The following IL16 variants were observed in gnomAD, a reference collection of about 807,000 sequenced individuals.
The protein encoded by IL16 is pro-interleukin-16.
IL16 carries 67 observed loss-of-function variants against 110.1 expected under a neutral mutation model. The ratio of observed to expected loss-of-function variants is 0.61; its 90% CI spans 0.50 to 0.75. IL16 has a LOEUF of 0.75. IL16 is among the 30% of genes least tolerant of loss of function. IL16 has a pLI of 0.00. For missense variants in IL16, 1,545 were observed against 1,655.0 expected, an observed-to-expected ratio of 0.93 and a Z score of 1.15; for synonymous variants, 689 against 662.9, an observed-to-expected ratio of 1.04 and a Z score of -0.61.
At chr15:81,258,146 A>G (rs1297954011) in intron 2 of IL16, among the ~76,000 whole-genome samples, 5 of 152,210 alleles carry the variant, frequency 3.3e-5, no homozygotes, top group African/African-American at 1.2e-4. Flanking sequence ...AAACAGCTTC[A>G]GGAAGAGAAA....
rs1900384624 is a variant in IL16 at position 81,303,239 on chromosome 15, C to T, written c.3319-310C>T. 4.1e-6 allele frequency: 1 copy of T among 245,334 alleles called. No individual in the cohort carries two copies. The highest frequency in any genetic ancestry group is 5.3e-5 in the Admixed American group (1 of 18,964). 15.2% of individuals were successfully genotyped at this position (245,334 alleles called of 1,614,324 possible). On this transcript the variant is annotated intron_variant, in intron 15 of 18. Coordinates refer to ENST00000683961, the MANE Select transcript of IL16 (RefSeq NM_172217.5). The surrounding 1 kb of genome is among the most constrained non-coding windows in gnomAD (Gnocchi z 4.1). Reference sequence around the variant, plus strand: ...AGTCCTACAACCTGACTTCATCTCACACTGTCCAATATGCTGATTTCTGGC... The same window carrying T: ...AGTCCTACAACCTGACTTCATCTCATACTGTCCAATATGCTGATTTCTGGC...
In IL16 at chr15:81,196,938, A is replaced by G. The variant is rs924427069; in HGVS notation, c.-316A>G. 6 of 1,256,478 alleles carry G rather than the reference A, an allele frequency of 4.8e-6. No homozygotes were observed. The highest frequency in any genetic ancestry group is 6.1e-6 in the Non-Finnish European group (6 of 976,560). 77.8% of individuals were successfully genotyped at this position (1,256,478 alleles called of 1,614,324 possible). ...GTGAATATTGTGTCCTACTCACGGC[A>G]TCTCAACTATCGGAGCCTGGGATCT... On this transcript the variant is annotated 5_prime_UTR_variant, in exon 1 of 19. Coordinates refer to ENST00000683961, the MANE Select transcript of IL16 (RefSeq NM_172217.5).
At chr15:81,306,708 T>C in intron 18 of IL16, 163 bp downstream of exon 18, 1 of 834,772 alleles carries the variant, frequency 1.2e-6, no homozygotes, top group Non-Finnish European at 2.0e-6. Flanking sequence ...CTTTTTCTAC[T>C]TTTTCTCCTT....
chr15:81,204,910 T>A (rs1414060140), intron 1 of IL16, among the ~76,000 whole-genome samples: 1 of 151,244 alleles, frequency 6.6e-6, no homozygotes, highest in Non-Finnish European at 1.5e-5. Flanking sequence ...CCTGGAGGGG[T>A]TGGGGGAGCA....
At chr15:81,274,565 A>G (rs1176582821) in intron 6 of IL16, among the ~76,000 whole-genome samples, 1 of 152,266 alleles carries the variant, frequency 6.6e-6, no homozygotes. Context: ...CAGCAGATTC[A>G]TCAGTAACGA....
rs1900783926 is a variant in IL16 at position 81,310,260 on chromosome 15, T to C, written c.*1462T>C. 6.6e-6 allele frequency: 1 copy of C among 152,246 alleles called. No individual in the cohort carries two copies. The highest frequency in any genetic ancestry group is 2.4e-5 in the African/African-American group (1 of 41,468). 9.4% of individuals were successfully genotyped at this position (152,246 alleles called of 1,614,324 possible). On this transcript the variant is annotated 3_prime_UTR_variant, in exon 19 of 19. Transcript: ENST00000683961. ...GTGGAGCCATGTTAATGTAATCTGA[T>C]GGCTTCTCCAGGGTCCACAGGAAGT...
intron 1 of IL16, among the ~76,000 whole-genome samples, chr15:81,222,731 AACACACACTCACAGACACAC>A (rs1896658101): frequency 7.1e-6 from 1 of 140,580 alleles, no homozygotes; most frequent in Non-Finnish European, 1.5e-5. Context: ...AGCTGTGACC[AACACACACTCACAGACACAC>A]ACACACACAC....
intron 1 of IL16, among the ~76,000 whole-genome samples, chr15:81,205,697 G>T (rs570425347): frequency 6.6e-6 from 1 of 151,954 alleles, no homozygotes; most frequent in African/African-American, 2.4e-5. Context: ...CTCAGATTCA[G>T]TTTAAAAAAG....
In IL16 at chr15:81,296,807, A is replaced by C. The variant is rs192351872; in HGVS notation, c.1903-121A>C. The stretch of plus-strand genomic sequence containing the variant: ...AAGAATCCTCTTTACATGGCTGCTG[A>C]TGAACTTCTCACTGAAAGCAGCTCA... On this transcript the variant is annotated intron_variant, in intron 12 of 18. Transcript: ENST00000683961. 3.4e-3 allele frequency: 2,914 copies of C among 860,862 alleles called. 9 individuals are homozygous for C. The highest frequency in any genetic ancestry group is 4.7e-3 in the Non-Finnish European group (2,597 of 556,118). 53.3% of individuals were successfully genotyped at this position (860,862 alleles called of 1,614,324 possible). A position where few individuals can be genotyped will look rare whatever the true frequency, so the allele number is the denominator to read the frequency against.
intron 2 of IL16, among the ~76,000 whole-genome samples, chr15:81,244,813 T>C (rs1897479019): frequency 6.6e-6 from 1 of 152,144 alleles, no homozygotes; most frequent in African/African-American, 2.4e-5. Context: ...AAATGTTAGC[T>C]CTTTTGTTAT....
At chr15:81,199,033 AT>A (rs34170809) in intron 1 of IL16, among the ~76,000 whole-genome samples, 5,073 of 87,776 alleles carry the variant, frequency 0.058, 141 homozygotes, top group Non-Finnish European at 0.077. Context: ...AAAAAAAAAT[AT>A]ATATATATAT....
At chr15:81,298,734 A>G (rs1477272157) in intron 13 of IL16, among the ~76,000 whole-genome samples, 2 of 152,222 alleles carry the variant, frequency 1.3e-5, no homozygotes, top group East Asian at 3.8e-4. Flanking sequence ...AAGCTGATCA[A>G]TGACCTGTGT....
rs1256938044 is a variant in IL16 at position 81,292,962 on chromosome 15, T to C, written c.1827T>C (p.Ser609=). Residue 609 remains serine, a synonymous_variant, in exon 12 of 19, where the codon AGT becomes AGC. Transcript: ENST00000683961. ...PPPRKYFKSD[S]DPQKSLEERE... is the part of the protein sequence containing the mutation. ...CCAGAAAATACTTTAAAAGTGACAG[T>C]GACCCTCAGAAGAGTCTGGAAGAGA... 1.2e-6 allele frequency: 2 copies of C among 1,614,066 alleles called. No individual in the cohort carries two copies. Among genetic ancestry groups the C allele is most frequent in the Non-Finnish European group, 8.5e-7 (1 of 1,180,006 alleles).
chr15:81,291,161 T>C (rs1481407743), intron 11 of IL16, among the ~76,000 whole-genome samples: 1 of 152,220 alleles, frequency 6.6e-6, no homozygotes, highest in African/African-American at 2.4e-5. Flanking sequence ...AACATCCTTA[T>C]GAAAGAACAA....
At chr15:81,229,881 C>G (rs1896913167) in intron 2 of IL16, among the ~76,000 whole-genome samples, 1 of 152,190 alleles carries the variant, frequency 6.6e-6, no homozygotes, top group South Asian at 2.1e-4. Flanking sequence ...AAAACAACAT[C>G]TGGAATGAGG....
At chr15:81,284,556 T>A (rs1358876561) in intron 9 of IL16, among the ~76,000 whole-genome samples, 1 of 152,216 alleles carries the variant, frequency 6.6e-6, no homozygotes, top group Non-Finnish European at 1.5e-5. Flanking sequence ...TTCCTTAGCA[T>A]CTGGTGCTAT....
intron 1 of IL16, among the ~76,000 whole-genome samples, chr15:81,220,729 C>A (rs546241750): frequency 6.7e-6 from 1 of 149,856 alleles, no homozygotes; most frequent in South Asian, 2.1e-4. Flanking sequence ...GCCTTTCCTC[C>A]GGTAGGTTAG....
intron 1 of IL16, among the ~76,000 whole-genome samples, chr15:81,202,277 G>T (rs1212485300): frequency 6.6e-6 from 1 of 152,198 alleles, no homozygotes; most frequent in Non-Finnish European, 1.5e-5. Flanking sequence ...CAAGCCACTG[G>T]AGTAGCATCA....
chr15:81,278,791 T>C (rs769813459), intron 6 of IL16, 26 bp from the exon 7 acceptor site: 3 of 1,517,444 alleles, frequency 2.0e-6, no homozygotes, highest in Non-Finnish European at 9.2e-7. Context: ...ACACTCTTCT[T>C]AGCTACACTT....
Sources: allele counts gnomAD v4.1 joint callset (sites outside exome capture counted in the v4.1 genomes callset), GRCh38; gene constraint gnomAD v4.1.1; non-coding constraint Gnocchi (gnomAD v3.1); transcripts MANE v1.5; gene names NCBI Gene and HGNC (gene_info 2026-07-23, HGNC 2026-07-21).